ADGRL4: variants seen among roughly 807,000 people sequenced by gnomAD.
The protein encoded by ADGRL4 is adhesion G protein-coupled receptor L4, also known as EGF, latrophilin and seven transmembrane domain containing 1.
In ADGRL4, 90 loss-of-function variants were observed where a neutral mutation model predicts 74.8. The observed-to-expected ratio is 1.20, with a 90% CI of 1.02 to 1.43. The LOEUF is 1.43. Among genes scored for constraint, ADGRL4 ranks in the 40% most tolerant of loss-of-function variants. The pLI, the probability that ADGRL4 is intolerant of heterozygous loss-of-function variation, is 0.00. For missense variants in ADGRL4, 881 were observed against 814.3 expected, an observed-to-expected ratio of 1.08 and a Z score of -1.00; for synonymous variants, 311 against 279.2, an observed-to-expected ratio of 1.11 and a Z score of -1.14.
intron 2 of ADGRL4, among the ~76,000 whole-genome samples, chr1:78,977,641 AG>A (rs1650312264): frequency 1.3e-5 from 2 of 151,960 alleles, no homozygotes; most frequent in African/African-American, 4.8e-5. Context: ...GAAATAGAAC[AG>A]AGATCCACAT....
rs555197186 is a variant in ADGRL4 at position 79,001,280 on chromosome 1, C to T, written c.172+3790G>A. Among the ~76,000 whole-genome samples the T allele has an allele frequency of 1.5e-3, 226 of 150,310 alleles. 2 individuals are homozygous for T. Among genetic ancestry groups the T allele is most frequent in the Non-Finnish European group, 2.1e-3 (145 of 67,778 alleles). On this transcript the variant is annotated intron_variant, in intron 2 of 14. Transcript: ENST00000370742. ...TATGAATGAATTATGAATGCTGGTC[C>T]GGGTACTACTCAACTCAATTGACTA...
chr1:78,890,111 T>G lies in ADGRL4; in HGVS notation c.*1043A>C, dbSNP rs533179047. On this transcript the variant is annotated 3_prime_UTR_variant, in exon 15 of 15. Transcript: ENST00000370742. Reference sequence around the variant, plus strand: ...TTGTTAACAATAACAATTTTAAGTGTGTACTTTTCTGAACAGAAAAAATAG... The same window carrying G: ...TTGTTAACAATAACAATTTTAAGTGGGTACTTTTCTGAACAGAAAAAATAG... 1 of 157,430 alleles carries G rather than the reference T, an allele frequency of 6.4e-6. No homozygotes were observed. The highest frequency in any genetic ancestry group is 1.9e-4 in the East Asian group (1 of 5,250). 9.8% of individuals were successfully genotyped at this position (157,430 alleles called of 1,614,324 possible). A position where few individuals can be genotyped will look rare whatever the true frequency, so the allele number is the denominator to read the frequency against.
At chr1:78,959,168 C>T (rs1014951404) in intron 2 of ADGRL4, among the ~76,000 whole-genome samples, 12 of 152,106 alleles carry the variant, frequency 7.9e-5, no homozygotes, top group African/African-American at 2.2e-4. Context: ...TTGTGATACT[C>T]GCTTTATGGC....
At chr1:78,960,722 G>A (rs1426849696) in intron 2 of ADGRL4, among the ~76,000 whole-genome samples, 1 of 152,102 alleles carries the variant, frequency 6.6e-6, no homozygotes, top group Non-Finnish European at 1.5e-5. Flanking sequence ...AACTTTTCCA[G>A]GTGAATGGAA....
At chr1:78,942,856 G>A (rs1175852656) in intron 3 of ADGRL4, among the ~76,000 whole-genome samples, 1 of 151,950 alleles carries the variant, frequency 6.6e-6, no homozygotes, top group African/African-American at 2.4e-5. Context: ...CTTGAGCCCA[G>A]GAGTTCCAGG....
At chr1:78,961,470 C>A (rs1649952259) in intron 2 of ADGRL4, among the ~76,000 whole-genome samples, 1 of 152,128 alleles carries the variant, frequency 6.6e-6, no homozygotes, top group Admixed American at 6.5e-5. Context: ...GCTACTTTGA[C>A]TGTATGGCCT....
chr1:78,911,170 C>T (rs1438671539), intron 12 of ADGRL4, among the ~76,000 whole-genome samples: 1 of 151,822 alleles, frequency 6.6e-6, no homozygotes, highest in Non-Finnish European at 1.5e-5. Flanking sequence ...AGGCATTAGT[C>T]TGTAATTCTT....
chr1:78,914,467 A>T (rs1648828753), intron 12 of ADGRL4, among the ~76,000 whole-genome samples: 1 of 151,874 alleles, frequency 6.6e-6, no homozygotes, highest in African/African-American at 2.4e-5. Context: ...AAAGCATAGG[A>T]TGCAAATTCC....
chr1:78,969,281 A>T (rs577036471), intron 2 of ADGRL4, among the ~76,000 whole-genome samples: 7 of 152,202 alleles, frequency 4.6e-5, no homozygotes, highest in Non-Finnish European at 8.8e-5. Context: ...ACAACTGTAG[A>T]AACTCGTTGT....
chr1:78,922,515 A>G (rs530589499), intron 8 of ADGRL4, among the ~76,000 whole-genome samples: 3 of 152,162 alleles, frequency 2.0e-5, no homozygotes, highest in African/African-American at 7.2e-5. Context: ...TTCAATAAAC[A>G]GTGGAATTCT....
At chr1:78,904,948 T>A (rs1452413785) in intron 12 of ADGRL4, among the ~76,000 whole-genome samples, 2 of 152,080 alleles carry the variant, frequency 1.3e-5, no homozygotes. Context: ...TATATTGTTT[T>A]CAAAATTTGA....
At chr1:78,977,325 T>C (rs1650305053) in intron 2 of ADGRL4, among the ~76,000 whole-genome samples, 1 of 151,710 alleles carries the variant, frequency 6.6e-6, no homozygotes, top group South Asian at 2.1e-4. Context: ...ATAGTGAAAA[T>C]TGAATCTGGT....
chr1:78,954,544 G>A (rs144131708), intron 2 of ADGRL4, among the ~76,000 whole-genome samples: 195 of 152,118 alleles, frequency 1.3e-3, no homozygotes, highest in Admixed American at 2.8e-3. Context: ...GACACAGCAC[G>A]TCAGATTATG....
At chr1:78,988,363 G>A (rs1397531614) in intron 2 of ADGRL4, among the ~76,000 whole-genome samples, 1 of 151,764 alleles carries the variant, frequency 6.6e-6, no homozygotes, top group African/African-American at 2.4e-5. Flanking sequence ...TTGAGATTTA[G>A]TTGCAAAAGG....
chr1:78,932,852 C>G (rs1415496616), intron 7 of ADGRL4, among the ~76,000 whole-genome samples: 1 of 151,218 alleles, frequency 6.6e-6, no homozygotes, highest in Non-Finnish European at 1.5e-5. Context: ...TGGGCACATA[C>G]AATTTCCCAA....
Position 78,917,858 on chromosome 1 carries a change from C to G in ADGRL4, c.1654G>C (p.Gly552Arg). 3.1e-6 allele frequency: 5 copies of G among 1,612,552 alleles called. No homozygotes were observed. The highest frequency in any genetic ancestry group is 4.2e-6 in the Non-Finnish European group (5 of 1,179,074). Reference sequence around the variant, plus strand: ...TTGGTTGTGCCATAATATCTGTATCCTAGTGCTGCCGAAAATCCAACTACC... The same window carrying G: ...TTGGTTGTGCCATAATATCTGTATCGTAGTGCTGCCGAAAATCCAACTACC... The part of the protein sequence containing the change: ...AVVVGFSAAL[G>R]YRYYGTTKVC... The change falls in exon 11 of 15, where the codon GGA becomes CGA. Residue 552 changes from glycine (G) to arginine (R), a missense_variant. Coordinates refer to ENST00000370742, the MANE Select transcript of ADGRL4 (RefSeq NM_022159.4).
At chr1:78,998,204 A>G (rs1650758744) in intron 2 of ADGRL4, among the ~76,000 whole-genome samples, 1 of 148,770 alleles carries the variant, frequency 6.7e-6, no homozygotes, top group African/African-American at 2.5e-5. Flanking sequence ...TGCTTTGAGA[A>G]TTTCACTCTA....
At chr1:78,930,154 A>G (rs1053127132) in intron 7 of ADGRL4, among the ~76,000 whole-genome samples, 1 of 151,434 alleles carries the variant, frequency 6.6e-6, no homozygotes, top group Non-Finnish European at 1.5e-5. Flanking sequence ...CCATGAGACC[A>G]TATGTGTGTT....
chr1:78,932,646 G>T (rs187565487), intron 7 of ADGRL4, among the ~76,000 whole-genome samples: 9 of 141,608 alleles, frequency 6.4e-5, no homozygotes, highest in African/African-American at 2.4e-4. Context: ...CCAGAAGCTG[G>T]TTAAAAAAAA....
Sources: allele counts gnomAD v4.1 joint callset (sites outside exome capture counted in the v4.1 genomes callset), GRCh38; gene constraint gnomAD v4.1.1; transcripts MANE v1.5; gene names NCBI Gene and HGNC (gene_info 2026-07-23, HGNC 2026-07-21).